The following TNK2 variants were observed in gnomAD, a reference collection of about 807,000 sequenced individuals.
TNK2 encodes the protein tyrosine kinase non receptor 2.
Under a neutral mutation model 101.8 loss-of-function variants are expected in TNK2, and 83 were observed. That is an observed-to-expected ratio of 0.82 (90% CI 0.68 to 0.98). TNK2 has a LOEUF of 0.98. TNK2 is among the 50% of genes least tolerant of loss of function. TNK2 has a pLI of 0.00. For synonymous variants in TNK2, 804 were observed against 633.0 expected (o/e 1.27, Z -4.06); for missense variants, 1,665 against 1,483.2 (o/e 1.12, Z -2.01).
intron 4 of TNK2, chr3:195,884,591 C>T (rs970677655): frequency 1.0e-5 from 5 of 479,792 alleles, no homozygotes; most frequent in Admixed American, 7.5e-5. Flanking sequence ...TGCAGGAAGC[C>T]GAGATCGTGC....
chr3:195,869,439 G>C, intron 12 of TNK2, 58 bp downstream of exon 12: 20 of 1,514,478 alleles, frequency 1.3e-5, no homozygotes, highest in Non-Finnish European at 1.7e-5. Context: ...TTCCAGGAGA[G>C]GAGTGAGAGA....
At chr3:195,864,901 T>A (rs1206344713) in intron 15 of TNK2, among the ~76,000 whole-genome samples, 1 of 122,764 alleles carries the variant, frequency 8.1e-6, no homozygotes, top group Non-Finnish European at 1.7e-5. Context: ...CGGGTGCAAA[T>A]CAGTAAGAAC....
At chr3:195,866,545 C>T (rs1211477277) in intron 15 of TNK2, among the ~76,000 whole-genome samples, 1 of 152,130 alleles carries the variant, frequency 6.6e-6, no homozygotes, top group Admixed American at 6.5e-5. Context: ...AATATGGAAA[C>T]ACAGAGGTGA....
At chr3:195,872,589 A>G in intron 9 of TNK2, 119 bp from the exon 10 acceptor site, 1 of 1,087,116 alleles carries the variant, frequency 9.2e-7, no homozygotes, top group Non-Finnish European at 1.3e-6. Flanking sequence ...CCTCAGGACC[A>G]GGCTGTGTGC....
At chr3:195,874,557 C>T (rs1393272040) in intron 9 of TNK2, among the ~76,000 whole-genome samples, 2 of 139,662 alleles carry the variant, frequency 1.4e-5, no homozygotes, top group Non-Finnish European at 3.1e-5. Context: ...GGCGCCCACG[C>T]ACGCTCCGAG....
Position 195,888,552 on chromosome 3 carries a change from G to T in TNK2, c.37C>A (p.Leu13Met). ...PEEGTGWLLE[L>M]LSEVQLQQYF... ...TGTTGCAGCTGCACCTCGGACAGCAGCTCCAGCAGCCAGCCTGTGCCCTCC... is the reference window on the plus strand; with the variant it reads ...TGTTGCAGCTGCACCTCGGACAGCATCTCCAGCAGCCAGCCTGTGCCCTCC... Residue 13 changes from leucine to methionine, a missense_variant, in exon 2 of 16, where the codon CTG (leucine) becomes ATG (methionine). Leu to Met is a conservative substitution (Grantham distance 15, BLOSUM62 2). Around this residue, in one of 3 missense-constraint regions of TNK2, gnomAD observed 490 missense variants for 522.5 expected, o/e 0.94. Coordinates refer to ENST00000672887, the MANE Select transcript of TNK2 (RefSeq NM_001382273.1). This position sits in a 1 kb window ranked among gnomAD's most constrained non-coding sequence, Gnocchi z 5.3. 6.2e-7 allele frequency: 1 copy of T among 1,612,522 alleles called. No individual in the cohort carries two copies. Among genetic ancestry groups the T allele is most frequent in the Non-Finnish European group, 8.5e-7 (1 of 1,179,860 alleles).
chr3:195,906,781 A>G (rs985187310), intron 1 of TNK2, among the ~76,000 whole-genome samples: 3 of 152,348 alleles, frequency 2.0e-5, no homozygotes, highest in Middle Eastern at 3.4e-3. Context: ...TATTTAAAAC[A>G]AACAAAAAGA....
chr3:195,898,535 C>T (rs968891151), intron 1 of TNK2, among the ~76,000 whole-genome samples: 1 of 152,186 alleles, frequency 6.6e-6, no homozygotes, highest in Non-Finnish European at 1.5e-5. Context: ...ACCTAGTTCC[C>T]CACCTCTCTC....
chr3:195,885,173 A>G lies in TNK2; in HGVS notation c.235-140T>C, dbSNP rs1325410314. 1 of 1,043,744 alleles carries G rather than the reference A, an allele frequency of 9.6e-7. No homozygotes were observed. Among genetic ancestry groups the G allele is most frequent in the Non-Finnish European group, 1.4e-6 (1 of 731,590 alleles). 64.7% of individuals were successfully genotyped at this position (1,043,744 alleles called of 1,614,324 possible). On this transcript the variant is annotated intron_variant, in intron 3 of 15. Coordinates refer to ENST00000672887, the MANE Select transcript of TNK2 (RefSeq NM_001382273.1). The surrounding 1 kb of genome is among the most constrained non-coding windows in gnomAD (Gnocchi z 4.7). ...GGTTTTGCCAAACTGTCAGTGGGGCAGCCTGGCTGGAGGCCCACACTCCGT... is the reference window on the plus strand; with the variant it reads ...GGTTTTGCCAAACTGTCAGTGGGGCGGCCTGGCTGGAGGCCCACACTCCGT...
In TNK2 at chr3:195,870,196, C is replaced by T. The variant is rs565696393; in HGVS notation, c.1461G>A (p.Leu487=). 2.3e-4 allele frequency: 359 copies of T among 1,579,686 alleles called. 6 individuals are homozygous for T. The South Asian group carries it at 2.6e-3, about 11-fold the overall frequency. The change falls in exon 11 of 16, where the codon CTG becomes CTA. Residue 487 remains leucine (L), a synonymous_variant. Transcript: ENST00000672887. ...GFPDRIDELY[L]GNPMDPPDLL... ...GGTCGGGGGGGTCCATGGGGTTTCC[C>T]AGATACAGTCTGTGGGGGAGAGAGC...
At position 195,883,320 on chromosome 3, in the gene TNK2, C is replaced by T. The variant is rs375247265; in HGVS notation, c.457-11G>A. On this transcript the variant is annotated splice_polypyrimidine_tract_variant and intron_variant, in intron 4 of 15. Transcript: ENST00000672887. Reference sequence around the variant, plus strand: ...CACAGCCACACTCACCTGCCCAGAGCGGGATTTGCAAGGACTCAGGACTTG... The same window carrying T: ...CACAGCCACACTCACCTGCCCAGAGTGGGATTTGCAAGGACTCAGGACTTG... The T allele has an allele frequency of 1.1e-5, 17 of 1,612,318 alleles. No homozygotes were observed. The highest frequency in any genetic ancestry group is 6.7e-5 in the East Asian group (3 of 44,874).
Position 195,868,477 on chromosome 3 carries a change from C to T in TNK2, c.1821G>A (p.Leu607=), listed in dbSNP as rs542737628. 1.7e-5 allele frequency: 26 copies of T among 1,550,838 alleles called. No individual in the cohort carries two copies. In the South Asian group the frequency reaches 2.9e-4, roughly 17 times the overall value. Residue 607 remains leucine (L), a synonymous_variant, in exon 13 of 16, where the codon CTG becomes CTA. Transcript: ENST00000672887. ...LRPCAPSLAQ[L]AMDACSLLDE... is the part of the protein sequence containing the mutation. Reference sequence around the variant, plus strand: ...CCAGCAGGGAGCAGGCGTCCATGGCCAGCTGCGCCAGGGAGGGCGCGCAGG... The same window carrying T: ...CCAGCAGGGAGCAGGCGTCCATGGCTAGCTGCGCCAGGGAGGGCGCGCAGG...
chr3:195,895,346 C>T (rs759031174), intron 1 of TNK2: 2 of 1,563,826 alleles, frequency 1.3e-6, no homozygotes, highest in South Asian at 1.2e-5. Flanking sequence ...AAGCAGCGCC[C>T]GCAGCCCCCG....
intron 1 of TNK2, chr3:195,896,256 C>A (rs893424521): frequency 1.9e-5 from 7 of 373,996 alleles, no homozygotes; most frequent in Middle Eastern, 3.7e-4. Flanking sequence ...GCCACTGACT[C>A]TTTAGTACCA....
chr3:195,878,866 CATACAG>C lies in TNK2; in HGVS notation c.1014+177_1014+182del, dbSNP rs1750860796. Reference sequence around the variant, plus strand: ...CTCTTTGCTGGGCTCTCCCTGAGGCCATACAGATACGGGGCGTGAGAGGAGACACGG... The same window carrying C: ...CTCTTTGCTGGGCTCTCCCTGAGGCCATACGGGGCGTGAGAGGAGACACGG... On this transcript the variant is annotated intron_variant, in intron 7 of 15. Transcript: ENST00000672887. This position sits in a 1 kb window ranked among gnomAD's most constrained non-coding sequence, Gnocchi z 4.7. Among the ~76,000 whole-genome samples the C allele has an allele frequency of 2.0e-5, 3 of 152,116 alleles. No individual in the cohort carries two copies. Among genetic ancestry groups the C allele is most frequent in the African/African-American group, 7.2e-5 (3 of 41,416 alleles).
rs1750797431 is a variant in TNK2 at position 195,878,749 on chromosome 3, C to A, written c.1015-157G>T. ...CCTGGGAGGGGCCCTCTCCAGAGCC[C>A]CAGTCCCTTCTTCCCAGGTCTGGAG... is the stretch of plus-strand genomic sequence containing the variant. On this transcript the variant is annotated intron_variant, in intron 7 of 15. Transcript: ENST00000672887. This position sits in a 1 kb window ranked among gnomAD's most constrained non-coding sequence, Gnocchi z 4.7. Among the ~76,000 whole-genome samples the A allele has an allele frequency of 6.6e-6, 1 of 152,230 alleles. No homozygotes were observed. Among genetic ancestry groups the A allele is most frequent in the African/African-American group, 2.4e-5 (1 of 41,460 alleles).
chr3:195,867,718 C>G lies in TNK2; in HGVS notation c.2580G>C (p.Leu860=). ...APGPRAGPCI[L]PIVRDGKKVS... is the part of the protein sequence containing the mutation. ...CCTTCTTGCCATCCCGGACGATGGG[C>G]AGGATGCAGGGACCAGCCCGCGGGC... Residue 860 remains leucine, a synonymous_variant, in exon 13 of 16, where the codon CTG becomes CTC. Transcript: ENST00000672887. The G allele has an allele frequency of 6.2e-7, 1 of 1,605,808 alleles. No homozygotes were observed. Among genetic ancestry groups the G allele is most frequent in the Non-Finnish European group, 8.5e-7 (1 of 1,177,206 alleles).
chr3:195,868,846 A>C, intron 12 of TNK2, 137 bp from the exon 13 acceptor site: 1 of 1,083,430 alleles, frequency 9.2e-7, no homozygotes, highest in Non-Finnish European at 1.3e-6. Flanking sequence ...GTCTGAGGTC[A>C]GCCACCGGCG....
At chr3:195,900,769 C>CG (rs1761125494) in intron 1 of TNK2, among the ~76,000 whole-genome samples, 1 of 152,218 alleles carries the variant, frequency 6.6e-6, no homozygotes, top group South Asian at 2.1e-4. Context: ...TGTCACGGCA[C>CG]GGGGGCCCAG....
Sources: allele counts gnomAD v4.1 joint callset (sites outside exome capture counted in the v4.1 genomes callset), GRCh38; gene constraint gnomAD v4.1.1; regional missense constraint gnomAD v4.1.1; non-coding constraint Gnocchi (gnomAD v3.1); transcripts MANE v1.5; gene names NCBI Gene and HGNC (gene_info 2026-07-23, HGNC 2026-07-21).